AP1S3: variants seen among roughly 807,000 people sequenced by gnomAD.
AP1S3 encodes the protein AP-1 complex subunit sigma-3.
Under a neutral mutation model 20.9 loss-of-function variants are expected in AP1S3, and 10 were observed. That is an observed-to-expected ratio of 0.48 (90% CI 0.29 to 0.81). The LOEUF (loss-of-function observed/expected upper bound fraction) is 0.81, where lower values mean the gene tolerates loss of function less well. AP1S3 is among the 30% of genes least tolerant of loss of function. The probability of loss-of-function intolerance (pLI) is 0.08; values close to 1 mark genes in which losing one functional copy is unlikely to be tolerated. For synonymous variants in AP1S3, 41 were observed against 61.5 expected (o/e 0.67, Z 1.56); for missense variants, 154 against 183.8 (o/e 0.84, Z 0.94).
chr2:223,797,227 C>T (rs954762560), intron 1 of AP1S3, among the ~76,000 whole-genome samples: 4 of 152,064 alleles, frequency 2.6e-5, no homozygotes, highest in Admixed American at 2.6e-4. Flanking sequence ...TTGGCAGAGG[C>T]AGGTAACATA....
At chr2:223,782,613 C>T (rs1345712657) in intron 1 of AP1S3, among the ~76,000 whole-genome samples, 2 of 152,082 alleles carry the variant, frequency 1.3e-5, no homozygotes, top group East Asian at 1.9e-4. Context: ...TGCAGAACAA[C>T]GAACAAAGAG....
At chr2:223,762,409 G>A (rs1690380243) in intron 4 of AP1S3, among the ~76,000 whole-genome samples, 1 of 151,378 alleles carries the variant, frequency 6.6e-6, no homozygotes, top group Non-Finnish European at 1.5e-5. Context: ...AGTAGCTGGG[G>A]TTACAGATGT....
At chr2:223,813,074 G>A (rs1053750095) in intron 1 of AP1S3, among the ~76,000 whole-genome samples, 13 of 151,878 alleles carry the variant, frequency 8.6e-5, no homozygotes, top group African/African-American at 2.7e-4. Flanking sequence ...GATTATAGCC[G>A]TGTGCCACCA....
At chr2:223,805,024 A>G (rs1337756829) in intron 1 of AP1S3, among the ~76,000 whole-genome samples, 1 of 152,264 alleles carries the variant, frequency 6.6e-6, no homozygotes, top group Non-Finnish European at 1.5e-5. Flanking sequence ...TATTAGAGAA[A>G]CAACAGCAGA....
chr2:223,782,581 C>T (rs1055531333), intron 1 of AP1S3, among the ~76,000 whole-genome samples: 3 of 152,092 alleles, frequency 2.0e-5, no homozygotes, highest in Admixed American at 1.3e-4. Flanking sequence ...AGGTGTCTGC[C>T]TTCTTAAACA....
At chr2:223,776,127 T>G in intron 2 of AP1S3, 118 bp from the exon 3 acceptor site, 1 of 749,906 alleles carries the variant, frequency 1.3e-6, no homozygotes, top group South Asian at 1.5e-5. Context: ...CATCCAAGAA[T>G]GAAATCATTA....
chr2:223,766,278 G>C (rs542202283), intron 3 of AP1S3, among the ~76,000 whole-genome samples: 1 of 151,940 alleles, frequency 6.6e-6, no homozygotes, highest in African/African-American at 2.4e-5. Flanking sequence ...TGATGGGGTT[G>C]TTTTTTTTCT....
chr2:223,758,311 G>A lies in AP1S3; in HGVS notation c.*404C>T. On this transcript the variant is annotated 3_prime_UTR_variant, in exon 5 of 5. Coordinates refer to ENST00000396654, the MANE Select transcript of AP1S3 (RefSeq NM_001039569.2). The stretch of plus-strand genomic sequence containing the variant: ...TTAGAAAACTAAACATTTAGAAAAA[G>A]TATTAATGACATCATATATACTTTA... The A allele has an allele frequency of 1.0e-6, 1 of 978,880 alleles. No homozygotes were observed. Among genetic ancestry groups the A allele is most frequent in the Non-Finnish European group, 1.2e-6 (1 of 822,776 alleles). 60.6% of individuals were successfully genotyped at this position (978,880 alleles called of 1,614,324 possible). A position where few individuals can be genotyped will look rare whatever the true frequency, so the allele number is the denominator to read the frequency against.
intron 1 of AP1S3, among the ~76,000 whole-genome samples, chr2:223,820,896 C>G (rs1691971853): frequency 6.6e-6 from 1 of 152,156 alleles, no homozygotes. Flanking sequence ...TGGAACCAGT[C>G]TCACTGCCCC....
chr2:223,818,335 T>G (rs1434161667), intron 1 of AP1S3, among the ~76,000 whole-genome samples: 3 of 151,378 alleles, frequency 2.0e-5, no homozygotes, highest in African/African-American at 7.3e-5. Context: ...GAGAATCGCT[T>G]GAGTCCAGGA....
chr2:223,766,158 C>G (rs1278908014), intron 3 of AP1S3, among the ~76,000 whole-genome samples: 1 of 152,168 alleles, frequency 6.6e-6, no homozygotes, highest in Non-Finnish European at 1.5e-5. Context: ...CCATACCATA[C>G]CCCACCCACC....
At chr2:223,781,728 C>CA (rs1690951954) in intron 1 of AP1S3, among the ~76,000 whole-genome samples, 1 of 152,038 alleles carries the variant, frequency 6.6e-6, no homozygotes, top group Non-Finnish European at 1.5e-5. Context: ...TATAGGAACA[C>CA]AAAGAATAGG....
At chr2:223,791,306 C>T (rs893093870) in intron 1 of AP1S3, among the ~76,000 whole-genome samples, 2 of 152,162 alleles carry the variant, frequency 1.3e-5, no homozygotes, top group African/African-American at 4.8e-5. Flanking sequence ...TGAACCAAAT[C>T]CAGCAGCACA....
intron 1 of AP1S3, among the ~76,000 whole-genome samples, chr2:223,786,263 A>G (rs1691071565): frequency 6.6e-6 from 1 of 152,244 alleles, no homozygotes; most frequent in Non-Finnish European, 1.5e-5. Context: ...TGCCTTGTTA[A>G]GATGGAGGAG....
chr2:223,769,599 G>A (rs1249097602), intron 3 of AP1S3, among the ~76,000 whole-genome samples: 1 of 75,340 alleles, frequency 1.3e-5, no homozygotes, highest in Admixed American at 1.5e-4. Context: ...TTTCCCTGCT[G>A]TTGTATATGT....
chr2:223,767,033 A>T (rs1690501342), intron 3 of AP1S3, among the ~76,000 whole-genome samples: 1 of 151,628 alleles, frequency 6.6e-6, no homozygotes, highest in Admixed American at 6.6e-5. Flanking sequence ...GGAGGGGAAC[A>T]TCACACACCG....
intron 1 of AP1S3, among the ~76,000 whole-genome samples, chr2:223,805,658 A>G (rs1447086905): frequency 6.6e-6 from 1 of 152,228 alleles, no homozygotes; most frequent in African/African-American, 2.4e-5. Context: ...ATTATAGTTC[A>G]GAACTATGTC....
At chr2:223,824,347 C>G (rs1357812819) in intron 1 of AP1S3, among the ~76,000 whole-genome samples, 2 of 152,000 alleles carry the variant, frequency 1.3e-5, no homozygotes, top group Non-Finnish European at 2.9e-5. Context: ...AAAAATGATA[C>G]ATGAGATAAT....
At chr2:223,834,225 G>GA (rs60485544) in intron 1 of AP1S3, among the ~76,000 whole-genome samples, 23,296 of 151,994 alleles carry the variant, frequency 0.15, 2,324 homozygotes, top group East Asian at 0.41. Context: ...AAATTAAAAT[G>GA]AAAAAATAGA....
Sources: allele counts gnomAD v4.1 joint callset (sites outside exome capture counted in the v4.1 genomes callset), GRCh38; gene constraint gnomAD v4.1.1; transcripts MANE v1.5; gene names NCBI Gene and HGNC (gene_info 2026-07-23, HGNC 2026-07-21).